Variants in ADGRE2 observed in about 807,000 individuals in gnomAD.
ADGRE2 encodes CD97 antigen.
In ADGRE2, 83 loss-of-function variants were observed where a neutral mutation model predicts 100.8. The ratio of observed to expected loss-of-function variants is 0.82; its 90% CI spans 0.69 to 0.99. The LOEUF is 0.99. Ranked by LOEUF, ADGRE2 falls within the 50% of genes least tolerant of loss-of-function variation. The pLI, the probability that ADGRE2 is intolerant of heterozygous loss-of-function variation, is 0.00. For synonymous variants in ADGRE2, 355 were observed against 413.0 expected (o/e 0.86, Z 1.70); for missense variants, 814 against 1,035.7 (o/e 0.79, Z 2.94).
At chr19:14,767,242 CTTTT>C (rs55841640) in intron 5 of ADGRE2, 133 bp from the exon 6 acceptor site, 101 of 1,182,398 alleles carry the variant, frequency 8.5e-5, no homozygotes, top group Middle Eastern at 3.1e-4. Flanking sequence ...TTCTTTCTTT[CTTTT>C]TTTTTTTTTT....
chr19:14,746,977 A>AT lies in ADGRE2; in HGVS notation c.2025-16dup, dbSNP rs751390004. 38 of 1,586,840 alleles carry AT rather than the reference A, an allele frequency of 2.4e-5. No individual in the cohort carries two copies. Among genetic ancestry groups the AT allele is most frequent in the Non-Finnish European group, 3.3e-5 (38 of 1,164,134 alleles). On this transcript the variant is annotated splice_polypyrimidine_tract_variant and intron_variant, in intron 16 of 20. Coordinates refer to ENST00000315576, the MANE Select transcript of ADGRE2 (RefSeq NM_013447.4). ...GGAGCCAGCAGCTGAAAAAAGAGAG[A>AT]TTAAAAAAAATGCATCAGTTTTTGG...
Position 14,735,796 on chromosome 19 carries a change from A to T in ADGRE2, c.*440T>A, listed in dbSNP as rs1216439899. On this transcript the variant is annotated 3_prime_UTR_variant, in exon 21 of 21. Transcript: ENST00000315576. ...GTAGAACTAGAGAACAACAAAAACA[A>T]AAACAAAAAATTAAGAAATCCAGAT... 2 of 154,256 alleles carry T rather than the reference A, an allele frequency of 1.3e-5. No individual in the cohort carries two copies. The highest frequency in any genetic ancestry group is 2.9e-5 in the Non-Finnish European group (2 of 69,514). 9.6% of individuals were successfully genotyped at this position (154,256 alleles called of 1,614,324 possible). A position where few individuals can be genotyped will look rare whatever the true frequency, so the allele number is the denominator to read the frequency against.
intron 5 of ADGRE2, chr19:14,772,089 G>C (rs2044232017): frequency 1.5e-5 from 8 of 548,364 alleles, no homozygotes; most frequent in Non-Finnish European, 2.0e-5. Flanking sequence ...TAGTGATGTT[G>C]GTAATATCAT....
At chr19:14,751,760 C>A in intron 15 of ADGRE2, 89 bp from the exon 16 acceptor site, 5 of 915,112 alleles carry the variant, frequency 5.5e-6, no homozygotes, top group Middle Eastern at 2.2e-4. Context: ...GGGGAGAATT[C>A]TGAGATATTT....
In ADGRE2 at chr19:14,735,081, C is replaced by T. The variant is rs374051169; in HGVS notation, c.*1155G>A. On this transcript the variant is annotated 3_prime_UTR_variant, in exon 21 of 21. Transcript: ENST00000315576. ...GGCATTCACCCGTGGAAGCTTCCAGCTTGCTTGTCTATGTCTGCAGCTCGA... is the reference window on the plus strand; with the variant it reads ...GGCATTCACCCGTGGAAGCTTCCAGTTTGCTTGTCTATGTCTGCAGCTCGA... 2 of 152,272 alleles carry T rather than the reference C, an allele frequency of 1.3e-5. No individual in the cohort carries two copies. Among genetic ancestry groups the T allele is most frequent in the East Asian group, 3.9e-4 (2 of 5,190 alleles). The allele number at this position is 152,272 out of a possible 1,614,324, so 9.4% of individuals were successfully genotyped here.
intron 1 of ADGRE2, 164 bp from the exon 2 acceptor site, chr19:14,777,091 G>T (rs763818042): frequency 1.2e-5 from 12 of 985,290 alleles, no homozygotes; most frequent in Non-Finnish European, 1.4e-5. Flanking sequence ...ATGTGGCTCT[G>T]ACCAACCCTC....
intron 4 of ADGRE2, among the ~76,000 whole-genome samples, chr19:14,773,719 C>G (rs1388106793): frequency 6.6e-6 from 1 of 151,648 alleles, no homozygotes; most frequent in African/African-American, 2.4e-5. Context: ...ACCATGTTGC[C>G]CAGGCTGGTC....
intron 11 of ADGRE2, 124 bp from the exon 12 acceptor site, chr19:14,756,469 G>T: frequency 1.5e-6 from 1 of 683,492 alleles, no homozygotes; most frequent in East Asian, 2.8e-5. Context: ...AATATCGGAA[G>T]AGAATAGTGT....
At chr19:14,770,415 C>T (rs1356601733) in intron 5 of ADGRE2, among the ~76,000 whole-genome samples, 1 of 152,056 alleles carries the variant, frequency 6.6e-6, no homozygotes, top group East Asian at 1.9e-4. Flanking sequence ...TGAGCCAAAT[C>T]AGCTTCTTTT....
rs771401972 is a variant in ADGRE2, at chr19:14,765,575, A to G, written c.782-5T>C. 6.2e-6 allele frequency: 10 copies of G among 1,614,184 alleles called. No homozygotes were observed. The African/African-American group carries it at 1.2e-4, about 19-fold the overall frequency. ...TCCAGGTGGAGAAAGTCATATCTGTAGGGAACAAGACAAGCGGCTCATTAG... is the reference window on the plus strand; with the variant it reads ...TCCAGGTGGAGAAAGTCATATCTGTGGGGAACAAGACAAGCGGCTCATTAG... On this transcript the variant is annotated splice_polypyrimidine_tract_variant and splice_region_variant and intron_variant, in intron 8 of 20. Coordinates refer to ENST00000315576, the MANE Select transcript of ADGRE2 (RefSeq NM_013447.4).
intron 11 of ADGRE2, among the ~76,000 whole-genome samples, chr19:14,763,349 AC>A (rs2043800632): frequency 1.4e-5 from 2 of 146,888 alleles, no homozygotes; most frequent in East Asian, 2.0e-4. Flanking sequence ...TCTCAAAAAA[AC>A]AAAACAAAAC....
At chr19:14,739,371 AG>A (rs1243231759) in intron 20 of ADGRE2, among the ~76,000 whole-genome samples, 2 of 152,242 alleles carry the variant, frequency 1.3e-5, no homozygotes, top group African/African-American at 4.8e-5. Context: ...GTCCTTTGTC[AG>A]TAGCTGGTAG....
At chr19:14,757,701 TAACTC>T (rs2043550345) in intron 11 of ADGRE2, among the ~76,000 whole-genome samples, 1 of 152,140 alleles carries the variant, frequency 6.6e-6, no homozygotes, top group South Asian at 2.1e-4. Flanking sequence ...AAACAAAAAT[TAACTC>T]AAAATAAGCC....
chr19:14,727,188 T>C, the ADGRE2 span, among the ~76,000 whole-genome samples: 9 of 151,958 alleles, frequency 5.9e-5, no homozygotes, highest in South Asian at 2.1e-4. Flanking sequence ...CCACCACGCC[T>C]GGCTAATTTT....
chr19:14,775,252 G>A (rs552980017), intron 2 of ADGRE2, among the ~76,000 whole-genome samples: 80 of 152,044 alleles, frequency 5.3e-4, no homozygotes, highest in Non-Finnish European at 9.8e-4. Flanking sequence ...TGATCTGCCC[G>A]CCTTGGCCTC....
chr19:14,762,685 G>A (rs981521592), intron 11 of ADGRE2, among the ~76,000 whole-genome samples: 3 of 151,328 alleles, frequency 2.0e-5, no homozygotes, highest in South Asian at 2.1e-4. Context: ...TCTGTCTCAC[G>A]TAGTCTGGAG....
chr19:14,777,489 TAATTA>T (rs2044483105), intron 1 of ADGRE2, among the ~76,000 whole-genome samples: 1 of 151,944 alleles, frequency 6.6e-6, no homozygotes, highest in African/African-American at 2.4e-5. Flanking sequence ...ATTAATTAAT[TAATTA>T]ATTAATTAAA....
intron 20 of ADGRE2, among the ~76,000 whole-genome samples, chr19:14,736,726 A>G (rs2042757207): frequency 6.9e-6 from 1 of 144,828 alleles, no homozygotes. Flanking sequence ...AAATATATAG[A>G]TATTTAGAAA....
intron 5 of ADGRE2, among the ~76,000 whole-genome samples, chr19:14,767,967 GGTCC>G (rs1401054519): frequency 1.3e-5 from 2 of 152,170 alleles, no homozygotes; most frequent in African/African-American, 4.8e-5. Flanking sequence ...GGTGGTCATG[GGTCC>G]TTCTCAGTGA....
Sources: allele counts gnomAD v4.1 joint callset (sites outside exome capture counted in the v4.1 genomes callset), GRCh38; gene constraint gnomAD v4.1.1; transcripts MANE v1.5; gene names NCBI Gene and HGNC (gene_info 2026-07-23, HGNC 2026-07-21).